Variants in SOCS7 observed in about 807,000 individuals in gnomAD.
The protein encoded by SOCS7 is NAP-4.
Under a neutral mutation model 58.9 loss-of-function variants are expected in SOCS7, and 18 were observed. The observed-to-expected ratio is 0.31, with a 90% confidence interval of 0.21 to 0.45. The LOEUF (loss-of-function observed/expected upper bound fraction) is 0.45, where lower values mean the gene tolerates loss of function less well. Ranked by LOEUF, SOCS7 falls within the 20% of genes least tolerant of loss-of-function variation. The pLI is 1.00. For synonymous variants in SOCS7, 388 were observed against 364.3 expected, an observed-to-expected ratio of 1.06 and a Z score of -0.74; for missense variants, 667 against 837.3, an observed-to-expected ratio of 0.80 and a Z score of 2.51.
At chr17:38,389,904 T>TATATATATGTACATATATATATATGTAC (rs2038144974) in intron 7 of SOCS7, among the ~76,000 whole-genome samples, 8 of 111,530 alleles carry the variant, frequency 7.2e-5, no homozygotes, top group Admixed American at 1.9e-4. Flanking sequence ...TATATACACA[T>TATATATATGTACATATATATATATGTAC]ATAGAGAGAG....
chr17:38,361,785 A>G lies in SOCS7; in HGVS notation c.1045+10A>G. ...AGCCCCCTGTTCACAGGTAAGGGTA[A>G]TATCTTTCTCTCTTCTGACATCTGA... On this transcript the variant is annotated intron_variant, in intron 2 of 9. Transcript: ENST00000612932. 1 of 1,596,860 alleles carries G rather than the reference A, an allele frequency of 6.3e-7. No homozygotes were observed. The highest frequency in any genetic ancestry group is 8.5e-7 in the Non-Finnish European group (1 of 1,170,186).
At chr17:38,391,169 T>C (rs2038168982) in intron 7 of SOCS7, among the ~76,000 whole-genome samples, 1 of 152,236 alleles carries the variant, frequency 6.6e-6, no homozygotes, top group South Asian at 2.1e-4. Context: ...TCCTGTAAAC[T>C]TGCATAACTC....
At chr17:38,359,000 C>G (rs587682193) in intron 1 of SOCS7, among the ~76,000 whole-genome samples, 2 of 152,200 alleles carry the variant, frequency 1.3e-5, no homozygotes, top group Non-Finnish European at 2.9e-5. Flanking sequence ...TGAAGAGACT[C>G]GTCCCCAGCA....
At chr17:38,367,128 A>G (rs996333347) in intron 5 of SOCS7, among the ~76,000 whole-genome samples, 2 of 152,104 alleles carry the variant, frequency 1.3e-5, no homozygotes, top group African/African-American at 4.8e-5. Flanking sequence ...GCAGTGGCGC[A>G]ATCTCGGCTT....
chr17:38,367,593 C>G lies in SOCS7; in HGVS notation c.1384-289C>G, dbSNP rs377717598. Among the ~76,000 whole-genome samples the G allele has an allele frequency of 2.9e-4, 44 of 151,098 alleles. 1 individual carries two copies. In the South Asian group the frequency reaches 5.2e-3, roughly 18 times the overall value. On this transcript the variant is annotated intron_variant, in intron 5 of 9. Transcript: ENST00000612932. ...TTCACCATGTTGGCCAGGCTGGTCTCGAACTCCTGACCTCAAGTGATCCAC... is the reference window on the plus strand; with the variant it reads ...TTCACCATGTTGGCCAGGCTGGTCTGGAACTCCTGACCTCAAGTGATCCAC...
chr17:38,374,658 G>A (rs2037908990), intron 6 of SOCS7, among the ~76,000 whole-genome samples: 1 of 152,120 alleles, frequency 6.6e-6, no homozygotes, highest in Admixed American at 6.5e-5. Flanking sequence ...GAAGGTGAAG[G>A]GTGAAGGATT....
rs2037582949 is a variant in SOCS7 at position 38,353,106 on chromosome 17, G to A, written c.980+74G>A. On this transcript the variant is annotated intron_variant, in intron 1 of 9. Transcript: ENST00000612932. ...TTCCCTTTTTATCTATTGCTATCGC[G>A]ATCCTGACAGTTCTTAAGATAGGGT... is the stretch of plus-strand genomic sequence containing the variant. 5 of 1,347,448 alleles carry A rather than the reference G, an allele frequency of 3.7e-6. No homozygotes were observed. The South Asian group carries it at 7.3e-5, about 20-fold the overall frequency. 83.5% of individuals were successfully genotyped at this position (1,347,448 alleles called of 1,614,324 possible). A position where few individuals can be genotyped will look rare whatever the true frequency, so the allele number is the denominator to read the frequency against.
intron 7 of SOCS7, among the ~76,000 whole-genome samples, chr17:38,387,657 GTATATATTATACTATATATTT>G (rs1220929531): frequency 1.6e-5 from 2 of 123,932 alleles, no homozygotes; most frequent in Admixed American, 8.4e-5. Context: ...ACTATATATT[GTATATATTATACTATATATTT>G]TATATATTTA....
intron 9 of SOCS7, among the ~76,000 whole-genome samples, chr17:38,397,081 CAGGG>C (rs768985001): frequency 3.3e-5 from 5 of 152,172 alleles, no homozygotes; most frequent in Non-Finnish European, 7.3e-5. Context: ...CCCATATAAA[CAGGG>C]AGCATGTTCA....
In SOCS7 at chr17:38,352,544, C is replaced by T; in HGVS notation, c.492C>T (p.Ala164=). The change falls in exon 1 of 10, where the codon GCC becomes GCT. Residue 164 remains alanine (A), a synonymous_variant. Transcript: ENST00000612932. The surrounding 1 kb of genome is among the most constrained non-coding windows in gnomAD (Gnocchi z 5.5). ...PPPQPQPPAA[A]PQAGEDPTET... The stretch of plus-strand genomic sequence containing the variant: ...CGCAGCCCCAGCCGCCTGCTGCCGC[C>T]CCGCAGGCCGGGGAGGACCCCACGG... 1 of 1,548,658 alleles carries T rather than the reference C, an allele frequency of 6.5e-7. No homozygotes were observed. The highest frequency in any genetic ancestry group is 8.7e-7 in the Non-Finnish European group (1 of 1,146,096).
rs773351278 is a variant in SOCS7, at chr17:38,352,958, T to C, written c.906T>C (p.Ser302=). 5 of 1,608,000 alleles carry C rather than the reference T, an allele frequency of 3.1e-6. No individual in the cohort carries two copies. The highest frequency in any genetic ancestry group is 1.1e-5 in the South Asian group (1 of 89,546). The change falls in exon 1 of 10, where the codon TCT becomes TCC. Residue 302 remains serine (S), a synonymous_variant. Coordinates refer to ENST00000612932, the MANE Select transcript of SOCS7 (RefSeq NM_014598.4). The surrounding 1 kb of genome is among the most constrained non-coding windows in gnomAD (Gnocchi z 5.5). ...GGGATGGGACCGGCAAGAGGCCTTC[T>C]GGAGAGCTGGCTGCTTCAGCTGCGA... ...GGGDGTGKRP[S]GELAASAASL...
rs145270395 is a variant in SOCS7 at position 38,376,233 on chromosome 17, C to A, written c.1553-1481C>A. Among the ~76,000 whole-genome samples the A allele has an allele frequency of 2.0e-5, 3 of 152,248 alleles. No individual in the cohort carries two copies. The East Asian group carries it at 5.8e-4, about 29-fold the overall frequency. ...TGGCAGTTCAGGATGCAAGGCAGAA[C>A]AACCCTGGACAGAACACCATTCCAT... On this transcript the variant is annotated intron_variant, in intron 6 of 9. Coordinates refer to ENST00000612932, the MANE Select transcript of SOCS7 (RefSeq NM_014598.4).
rs2038301957 is a variant in SOCS7, at chr17:38,400,306, A to G, written c.*824A>G. 1 of 152,212 alleles carries G rather than the reference A, an allele frequency of 6.6e-6. No individual in the cohort carries two copies. The highest frequency in any genetic ancestry group is 6.5e-5 in the Admixed American group (1 of 15,268). 9.4% of individuals were successfully genotyped at this position (152,212 alleles called of 1,614,324 possible). On this transcript the variant is annotated 3_prime_UTR_variant, in exon 10 of 10. Coordinates refer to ENST00000612932, the MANE Select transcript of SOCS7 (RefSeq NM_014598.4). ...GATAACTGTACATGTCACTCTGATC[A>G]TGGTAACAGCATCCCTATTGCTTCT...
At chr17:38,368,195 C>T (rs112592220) in intron 6 of SOCS7, 145 bp downstream of exon 6, 173 of 640,756 alleles carry the variant, frequency 2.7e-4, no homozygotes, top group African/African-American at 2.3e-3. Flanking sequence ...TTGATATGAG[C>T]GCTGATTTCC....
chr17:38,389,865 G>GTGTATA (rs1555571065), intron 7 of SOCS7, among the ~76,000 whole-genome samples: 340 of 26,892 alleles, frequency 0.013, 34 homozygotes, highest in African/African-American at 0.034. Flanking sequence ...GTGTATGTGT[G>GTGTATA]TACATATATA....
chr17:38,362,797 G>T (rs1555567757), intron 2 of SOCS7, among the ~76,000 whole-genome samples: 2 of 152,124 alleles, frequency 1.3e-5, no homozygotes, highest in African/African-American at 4.8e-5. Context: ...GTTAATAGTT[G>T]TTTCCTCATT....
chr17:38,379,103 A>G (rs955349346), intron 7 of SOCS7, among the ~76,000 whole-genome samples: 43 of 150,244 alleles, frequency 2.9e-4, no homozygotes, highest in African/African-American at 1.1e-3. Context: ...GGCTGCAATG[A>G]GCCAAGATTA....
intron 6 of SOCS7, among the ~76,000 whole-genome samples, chr17:38,374,429 T>G (rs2037906063): frequency 6.6e-6 from 1 of 151,248 alleles, no homozygotes; most frequent in African/African-American, 2.4e-5. Flanking sequence ...TCCCAGGTAC[T>G]CGGGAGGGTC....
chr17:38,355,245 G>A (rs1435435759), intron 1 of SOCS7, among the ~76,000 whole-genome samples: 2 of 152,172 alleles, frequency 1.3e-5, no homozygotes, highest in Non-Finnish European at 2.9e-5. Flanking sequence ...TCCCCCATCT[G>A]TAAAATGGGT....
Sources: allele counts gnomAD v4.1 joint callset (sites outside exome capture counted in the v4.1 genomes callset), GRCh38; gene constraint gnomAD v4.1.1; non-coding constraint Gnocchi (gnomAD v3.1); transcripts MANE v1.5; gene names NCBI Gene and HGNC (gene_info 2026-07-23, HGNC 2026-07-21).